Variants in TOM1L2 observed in about 807,000 individuals in gnomAD.
The protein encoded by TOM1L2 is TOM1-like protein 2.
In TOM1L2, 31 loss-of-function variants were observed where a neutral mutation model predicts 67.9. The ratio of observed to expected loss-of-function variants is 0.46; its 90% CI spans 0.34 to 0.62. The LOEUF (loss-of-function observed/expected upper bound fraction) is 0.62. Ranked by LOEUF, TOM1L2 falls within the 20% of genes least tolerant of loss-of-function variation. The pLI is 0.01. For missense variants in TOM1L2, 606 were observed against 663.5 expected, an observed-to-expected ratio of 0.91 and a Z score of 0.95; for synonymous variants, 256 against 254.0, an observed-to-expected ratio of 1.01 and a Z score of -0.07.
chr17:17,856,481 T>C (rs765632307), intron 12 of TOM1L2, among the ~76,000 whole-genome samples: 1 of 152,260 alleles, frequency 6.6e-6, no homozygotes, highest in Non-Finnish European at 1.5e-5. Context: ...CTCCCACGGC[T>C]CTGGGTGATC....
At chr17:17,944,381 T>A (rs1376402286) in intron 1 of TOM1L2, among the ~76,000 whole-genome samples, 1 of 152,182 alleles carries the variant, frequency 6.6e-6, no homozygotes, top group Non-Finnish European at 1.5e-5. Context: ...GCTAATTCAG[T>A]GCCTAAAAAT....
intron 2 of TOM1L2, among the ~76,000 whole-genome samples, chr17:17,902,976 G>C (rs2038923738): frequency 6.6e-6 from 1 of 152,096 alleles, no homozygotes; most frequent in Admixed American, 6.5e-5. Context: ...AGCGAGTGGT[G>C]ACCTAGAATT....
intron 1 of TOM1L2, among the ~76,000 whole-genome samples, chr17:17,926,773 G>A (rs796476150): frequency 6.6e-6 from 1 of 152,104 alleles, no homozygotes; most frequent in African/African-American, 2.4e-5. Context: ...CACAAGAATC[G>A]CTTGAACCTG....
chr17:17,936,095 C>T (rs531580486), intron 1 of TOM1L2, among the ~76,000 whole-genome samples: 3 of 152,348 alleles, frequency 2.0e-5, no homozygotes, highest in East Asian at 1.9e-4. Context: ...CACTTGGCCT[C>T]GCTTGCTCCT....
At chr17:17,891,419 T>C (rs1026483496) in intron 4 of TOM1L2, among the ~76,000 whole-genome samples, 12 of 152,084 alleles carry the variant, frequency 7.9e-5, no homozygotes, top group African/African-American at 1.9e-4. Flanking sequence ...ATAGGAAAGC[T>C]TGGAGGTGAG....
intron 1 of TOM1L2, among the ~76,000 whole-genome samples, chr17:17,912,331 C>T (rs1355882237): frequency 2.1e-5 from 3 of 146,034 alleles, no homozygotes; most frequent in Non-Finnish European, 4.6e-5. Flanking sequence ...CGGGCGGAGA[C>T]GCTCCTCACT....
intron 1 of TOM1L2, among the ~76,000 whole-genome samples, chr17:17,956,297 C>G (rs1290927236): frequency 1.3e-5 from 2 of 152,222 alleles, no homozygotes; most frequent in Non-Finnish European, 2.9e-5. Flanking sequence ...ACCAGATTAA[C>G]TAGATACAGA....
chr17:17,854,676 C>T (rs987409717), intron 12 of TOM1L2, among the ~76,000 whole-genome samples: 5 of 151,736 alleles, frequency 3.3e-5, no homozygotes, highest in Non-Finnish European at 5.9e-5. Context: ...AGGCGTGAGC[C>T]ACCACACCTG....
chr17:17,872,564 G>GA (rs2037205668), intron 7 of TOM1L2, among the ~76,000 whole-genome samples: 1 of 152,240 alleles, frequency 6.6e-6, no homozygotes, highest in South Asian at 2.1e-4. Context: ...GTAGGACAGA[G>GA]AAAAGAGGTC....
intron 1 of TOM1L2, among the ~76,000 whole-genome samples, chr17:17,922,541 A>G (rs1163007485): frequency 2.0e-5 from 3 of 152,202 alleles, no homozygotes; most frequent in Non-Finnish European, 4.4e-5. Context: ...GAGACAGGAC[A>G]GCATGTTGGT....
chr17:17,969,056 CCTT>C lies in TOM1L2; in HGVS notation c.52+3203_52+3205del, dbSNP rs1414918713. Among the ~76,000 whole-genome samples the C allele has an allele frequency of 1.2e-4, 18 of 150,954 alleles. No individual in the cohort carries two copies. In the East Asian group the frequency reaches 2.7e-3, roughly 23 times the overall value. On this transcript the variant is annotated intron_variant, in intron 1 of 14. Transcript: ENST00000379504. ...CAGGGATCAGAGAGGGACCAGCTCT[CCTT>C]TTTTTTTTTTTTTTGGAGACAGAGT...
intron 10 of TOM1L2, among the ~76,000 whole-genome samples, chr17:17,865,814 G>A (rs944210341): frequency 6.9e-6 from 1 of 145,308 alleles, no homozygotes; most frequent in Non-Finnish European, 1.5e-5. Context: ...ATGCGATATC[G>A]GCTCACTGCA....
At chr17:17,899,749 A>G (rs1168779164) in intron 2 of TOM1L2, among the ~76,000 whole-genome samples, 2 of 152,264 alleles carry the variant, frequency 1.3e-5, no homozygotes, top group Non-Finnish European at 2.9e-5. Flanking sequence ...CCACTAATCT[A>G]TGTGTCAATA....
intron 7 of TOM1L2, among the ~76,000 whole-genome samples, chr17:17,878,968 G>C (rs892756937): frequency 1.3e-5 from 2 of 152,222 alleles, no homozygotes; most frequent in African/African-American, 4.8e-5. Flanking sequence ...TTCAGGGGTA[G>C]ACTGCAGGCC....
At position 17,912,372 on chromosome 17, in the gene TOM1L2, G is replaced by T. The variant is rs577923228; in HGVS notation, c.53-4841C>A. On this transcript the variant is annotated intron_variant, in intron 1 of 14. Coordinates refer to ENST00000379504, the MANE Select transcript of TOM1L2 (RefSeq NM_001082968.2). ...GACGGGGTGGCTGCCGGGCGGAGAG[G>T]CTCCTCACTTCTCAGACGGGGCGGC... Among the ~76,000 whole-genome samples, 389 of 150,994 alleles carry T rather than the reference G, an allele frequency of 2.6e-3. 1 individual carries two copies. The highest frequency in any genetic ancestry group is 9.1e-3 in the African/African-American group (374 of 41,034).
Position 17,869,357 on chromosome 17 carries a change from G to T in TOM1L2, c.894C>A (p.Val298=). 1 of 1,610,842 alleles carries T rather than the reference G, an allele frequency of 6.2e-7. No individual in the cohort carries two copies. Among genetic ancestry groups the T allele is most frequent in the South Asian group, 1.1e-5 (1 of 90,932 alleles). The change falls in exon 8 of 15, where the codon GTC becomes GTA. Residue 298 remains valine, a synonymous_variant. Coordinates refer to ENST00000379504, the MANE Select transcript of TOM1L2 (RefSeq NM_001082968.2). The part of the protein sequence containing the change: ...LLHVNDDLNN[V]FLRYERFERY... ...GCTCCCACCTCTCGTATCGAAGGAA[G>T]ACGTTGTTGAGGTCATCGTTCACAT...
intron 1 of TOM1L2, among the ~76,000 whole-genome samples, chr17:17,936,580 A>C (rs190023641): frequency 1.2e-4 from 18 of 152,308 alleles, no homozygotes; most frequent in Middle Eastern, 6.8e-3. Context: ...AAAAAAGAAA[A>C]GAAATAATCT....
chr17:17,948,537 A>C (rs537304654), intron 1 of TOM1L2, among the ~76,000 whole-genome samples: 27 of 152,282 alleles, frequency 1.8e-4, no homozygotes, highest in Admixed American at 1.3e-3. Context: ...CTGTAATCCC[A>C]GCTACTCGGG....
intron 1 of TOM1L2, among the ~76,000 whole-genome samples, chr17:17,922,014 GGGAA>G (rs1450316402): frequency 6.6e-6 from 1 of 152,040 alleles, no homozygotes; most frequent in Non-Finnish European, 1.5e-5. Flanking sequence ...GCCACTCCTT[GGGAA>G]GGATTATCCA....
Sources: allele counts gnomAD v4.1 joint callset (sites outside exome capture counted in the v4.1 genomes callset), GRCh38; gene constraint gnomAD v4.1.1; transcripts MANE v1.5; gene names NCBI Gene and HGNC (gene_info 2026-07-23, HGNC 2026-07-21).